The following PRKCE variants were observed in gnomAD, a reference collection of about 807,000 sequenced individuals.
The protein encoded by PRKCE is protein kinase C epsilon type.
In PRKCE, 16 loss-of-function variants were observed where a neutral mutation model predicts 85.4. The observed-to-expected ratio is 0.19, with a 90% CI of 0.13 to 0.28. The LOEUF (loss-of-function observed/expected upper bound fraction) is 0.28. Among genes scored for constraint, PRKCE ranks in the 10% least tolerant of loss-of-function variants. PRKCE has a pLI of 1.00. For synonymous variants in PRKCE, 388 were observed against 371.5 expected (o/e 1.04, Z -0.51); for missense variants, 573 against 975.2 (o/e 0.59, Z 5.49).
intron 1 of PRKCE, among the ~76,000 whole-genome samples, chr2:45,839,851 CA>C (rs1448238699): frequency 6.6e-6 from 1 of 152,224 alleles, no homozygotes; most frequent in Non-Finnish European, 1.5e-5. Context: ...GCTCATGCTG[CA>C]AAGCTCTTTG....
intron 1 of PRKCE, among the ~76,000 whole-genome samples, chr2:45,681,120 C>A (rs1332837473): frequency 2.0e-5 from 3 of 151,810 alleles, no homozygotes; most frequent in African/African-American, 7.3e-5. Flanking sequence ...AAAACCCCGT[C>A]TCTACTAAAA....
chr2:45,726,031 G>A (rs1408739270), intron 1 of PRKCE, among the ~76,000 whole-genome samples: 1 of 152,204 alleles, frequency 6.6e-6, no homozygotes, highest in Non-Finnish European at 1.5e-5. Flanking sequence ...ATTAGAAATG[G>A]AGCCTGGCGA....
At chr2:45,737,554 C>T (rs1682183447) in intron 1 of PRKCE, among the ~76,000 whole-genome samples, 1 of 152,152 alleles carries the variant, frequency 6.6e-6, no homozygotes, top group Non-Finnish European at 1.5e-5. Context: ...GACCTCTCGG[C>T]TCCTTTTCTG....
At chr2:45,862,862 G>A (rs1259019906) in intron 2 of PRKCE, among the ~76,000 whole-genome samples, 1 of 152,228 alleles carries the variant, frequency 6.6e-6, no homozygotes, top group Non-Finnish European at 1.5e-5. Context: ...TAGGCTCAAA[G>A]CTTCGCAGGG....
chr2:46,080,149 G>A (rs549058279), intron 10 of PRKCE, among the ~76,000 whole-genome samples: 1 of 152,238 alleles, frequency 6.6e-6, no homozygotes, highest in East Asian at 1.9e-4. Context: ...GTAGCTGCTG[G>A]GTTTGCCAGC....
intron 1 of PRKCE, among the ~76,000 whole-genome samples, chr2:45,818,580 C>T (rs1689269164): frequency 6.6e-6 from 1 of 152,196 alleles, no homozygotes; most frequent in Non-Finnish European, 1.5e-5. Flanking sequence ...CCCTTCTACC[C>T]TCCTTTCATC....
intron 14 of PRKCE, among the ~76,000 whole-genome samples, chr2:46,162,419 C>G (rs1677869250): frequency 6.6e-6 from 1 of 152,164 alleles, no homozygotes; most frequent in African/African-American, 2.4e-5. Context: ...GATTTCAAAA[C>G]TGCCTCAGTC....
chr2:45,952,663 A>G (rs995520625), intron 2 of PRKCE, among the ~76,000 whole-genome samples: 4 of 152,230 alleles, frequency 2.6e-5, no homozygotes, highest in Non-Finnish European at 4.4e-5. Flanking sequence ...AAAAGCACTC[A>G]CCACAGGATT....
At chr2:45,727,316 T>G (rs1015606785) in intron 1 of PRKCE, among the ~76,000 whole-genome samples, 1 of 152,208 alleles carries the variant, frequency 6.6e-6, no homozygotes, top group African/African-American at 2.4e-5. Flanking sequence ...TTATGGAAAC[T>G]GATGTGTATT....
chr2:45,816,347 G>T (rs1689040717), intron 1 of PRKCE, among the ~76,000 whole-genome samples: 2 of 152,084 alleles, frequency 1.3e-5, no homozygotes, highest in African/African-American at 2.4e-5. Flanking sequence ...GTGTCACGAG[G>T]TTTAAAGTTT....
chr2:45,761,163 T>A (rs1684450905), intron 1 of PRKCE, among the ~76,000 whole-genome samples: 1 of 151,696 alleles, frequency 6.6e-6, no homozygotes, highest in African/African-American at 2.4e-5. Flanking sequence ...TCGTCTCTAC[T>A]AAAAATACAA....
At chr2:46,115,325 G>A (rs1478196893) in intron 11 of PRKCE, among the ~76,000 whole-genome samples, 2 of 152,220 alleles carry the variant, frequency 1.3e-5, no homozygotes, top group African/African-American at 4.8e-5. Flanking sequence ...AGCAGGGGGA[G>A]TGATTTTGCT....
intron 10 of PRKCE, among the ~76,000 whole-genome samples, chr2:46,082,077 G>A (rs1558432759): frequency 6.6e-6 from 1 of 152,142 alleles, no homozygotes; most frequent in African/African-American, 2.4e-5. Context: ...CTGGGTGACA[G>A]AGCAAGACTC....
At chr2:45,848,351 C>A (rs1428655304) in intron 2 of PRKCE, among the ~76,000 whole-genome samples, 1 of 151,848 alleles carries the variant, frequency 6.6e-6, no homozygotes, top group Non-Finnish European at 1.5e-5. Flanking sequence ...TGCTCTGTCG[C>A]CCAGGCTGGA....
At chr2:45,761,876 C>T (rs1454344656) in intron 1 of PRKCE, among the ~76,000 whole-genome samples, 1 of 152,138 alleles carries the variant, frequency 6.6e-6, no homozygotes, top group Non-Finnish European at 1.5e-5. Flanking sequence ...CGGTCCCTTC[C>T]AAGAATCATA....
In PRKCE at chr2:45,749,217, A is replaced by C. The variant is rs1332098185; in HGVS notation, c.349-93783A>C. Among the ~76,000 whole-genome samples, 3 of 152,208 alleles carry C rather than the reference A, an allele frequency of 2.0e-5. No homozygotes were observed. In the South Asian group the frequency reaches 6.2e-4, roughly 32 times the overall value. Reference sequence around the variant, plus strand: ...GAACAGGATTTTAATGGGTTCTTGAACCATCTTCCCTGATCCACCATGGGT... The same window carrying C: ...GAACAGGATTTTAATGGGTTCTTGACCCATCTTCCCTGATCCACCATGGGT... On this transcript the variant is annotated intron_variant, in intron 1 of 14. Coordinates refer to ENST00000306156, the MANE Select transcript of PRKCE (RefSeq NM_005400.3).
chr2:45,722,276 A>G lies in PRKCE; in HGVS notation c.348+69828A>G, dbSNP rs1319910794. Reference sequence around the variant, plus strand: ...TCTTTAAGTTCTAGGGTCCATGTGCATCTCTGTGATGCCTGGCTTCATAGG... The same window carrying G: ...TCTTTAAGTTCTAGGGTCCATGTGCGTCTCTGTGATGCCTGGCTTCATAGG... On this transcript the variant is annotated intron_variant, in intron 1 of 14. Coordinates refer to ENST00000306156, the MANE Select transcript of PRKCE (RefSeq NM_005400.3). 2.0e-5 allele frequency among the ~76,000 whole-genome samples: 3 copies of G among 152,132 alleles called. No homozygotes were observed. In the East Asian group the frequency reaches 5.8e-4, roughly 29 times the overall value.
chr2:45,706,949 A>G (rs1477696356), intron 1 of PRKCE, among the ~76,000 whole-genome samples: 3 of 152,216 alleles, frequency 2.0e-5, no homozygotes, highest in Non-Finnish European at 1.5e-5. Context: ...AATGACAGAC[A>G]TGAACTGGTT....
rs552476194 is a variant in PRKCE at position 46,139,244 on chromosome 2, C to G, written c.1593-5849C>G. Among the ~76,000 whole-genome samples the G allele has an allele frequency of 1.2e-4, 19 of 152,242 alleles. No individual in the cohort carries two copies. Among genetic ancestry groups the G allele is most frequent in the Non-Finnish European group, 2.5e-4 (17 of 68,018 alleles). On this transcript the variant is annotated intron_variant, in intron 11 of 14. Transcript: ENST00000306156. This position sits in a 1 kb window ranked among gnomAD's most constrained non-coding sequence, Gnocchi z 5.2. ...ACTAAAAAGGAAGAGGTAAATTAAT[C>G]ATTAATAGCAGACAATTTGAAAAAT... is the stretch of plus-strand genomic sequence containing the variant.
Sources: allele counts gnomAD v4.1 joint callset (sites outside exome capture counted in the v4.1 genomes callset), GRCh38; gene constraint gnomAD v4.1.1; non-coding constraint Gnocchi (gnomAD v3.1); transcripts MANE v1.5; gene names NCBI Gene and HGNC (gene_info 2026-07-23, HGNC 2026-07-21).